Variants in LTBP1 observed in about 807,000 individuals in gnomAD.
LTBP1 encodes the protein latent transforming growth factor beta binding protein 1, also known as latent-transforming growth factor beta-binding protein 1.
Under a neutral mutation model 207.6 loss-of-function variants are expected in LTBP1, and 129 were observed. That is an observed-to-expected ratio of 0.62 (90% CI 0.54 to 0.72). LTBP1 has a LOEUF of 0.72. Among genes scored for constraint, LTBP1 ranks in the 30% least tolerant of loss-of-function variants. The probability of loss-of-function intolerance (pLI) is 0.00; values close to 1 mark genes in which losing one functional copy is unlikely to be tolerated. For missense variants in LTBP1, 2,281 were observed against 2,217.2 expected, an observed-to-expected ratio of 1.03 and a Z score of -0.58; for synonymous variants, 963 against 833.7, an observed-to-expected ratio of 1.16 and a Z score of -2.67.
intron 26 of LTBP1, among the ~76,000 whole-genome samples, chr2:33,348,239 T>C (rs2094730493): frequency 6.6e-6 from 1 of 152,192 alleles, no homozygotes; most frequent in African/African-American, 2.4e-5. Context: ...GTTTTATCCA[T>C]GCTTCCATAA....
chr2:33,325,782 A>C (rs1047638619), intron 24 of LTBP1, among the ~76,000 whole-genome samples: 4 of 151,966 alleles, frequency 2.6e-5, no homozygotes, highest in African/African-American at 4.8e-5. Context: ...GAGCTAAAAC[A>C]CTCCACTTTT....
rs148325186 is a variant in LTBP1 at position 33,361,481 on chromosome 2, A to T, written c.4236A>T (p.Glu1412Asp). Residue 1412 changes from glutamate to aspartate, a missense_variant, in exon 28 of 34, where the codon GAA (glutamate) becomes GAT (aspartate). Transcript: ENST00000404816. ...GGAAAGGTTTTGTGCCTGCTGGAGA[A>T]TCATCTTCTGAAGCTGGTGGTGAGA... is the stretch of plus-strand genomic sequence containing the variant. ...PKGKGFVPAG[E>D]SSSEAGGENY... 6.2e-7 allele frequency: 1 copy of T among 1,613,354 alleles called. No homozygotes were observed. Among genetic ancestry groups the T allele is most frequent in the Non-Finnish European group, 8.5e-7 (1 of 1,179,706 alleles).
intron 3 of LTBP1, among the ~76,000 whole-genome samples, chr2:33,068,703 A>T (rs1179204191): frequency 6.6e-6 from 1 of 152,212 alleles, no homozygotes; most frequent in Admixed American, 6.5e-5. Flanking sequence ...AGTCCCAATT[A>T]AGCAAATTGT....
intron 5 of LTBP1, among the ~76,000 whole-genome samples, chr2:33,149,242 A>C (rs985106777): frequency 9.6e-5 from 14 of 146,370 alleles, no homozygotes; most frequent in African/African-American, 2.7e-4. Flanking sequence ...AAAAAAAAAA[A>C]AAAAAAAAAA....
intron 33 of LTBP1, 53 bp downstream of exon 33, chr2:33,397,335 T>A: frequency 6.3e-7 from 1 of 1,590,916 alleles, no homozygotes; most frequent in Admixed American, 1.7e-5. Context: ...ACACCCCGTA[T>A]CTCAGTCAGT....
At chr2:33,359,052 G>A (rs1271426848) in intron 26 of LTBP1, among the ~76,000 whole-genome samples, 5 of 152,200 alleles carry the variant, frequency 3.3e-5, no homozygotes, top group African/African-American at 9.7e-5. Flanking sequence ...GTAAACTGCT[G>A]CATAGAAATC....
chr2:33,168,747 G>A (rs1572949543), intron 5 of LTBP1, among the ~76,000 whole-genome samples: 1 of 152,198 alleles, frequency 6.6e-6, no homozygotes, highest in Middle Eastern at 3.4e-3. Context: ...GAGGTATCTA[G>A]AAAGATCTGA....
At chr2:32,962,029 C>T (rs549324640) in intron 2 of LTBP1, among the ~76,000 whole-genome samples, 88 of 150,898 alleles carry the variant, frequency 5.8e-4, no homozygotes, top group African/African-American at 2.1e-3. Flanking sequence ...TTTTTATGAC[C>T]AGTTTGTACA....
At chr2:33,089,139 G>GAAAAAAAAAA (rs2078928392) in intron 3 of LTBP1, among the ~76,000 whole-genome samples, 1 of 120,708 alleles carries the variant, frequency 8.3e-6, no homozygotes. Flanking sequence ...CTGGGTGATA[G>GAAAAAAAAAA]AGTAAGACTC....
rs79815221 is a variant in LTBP1, at chr2:33,020,184, A to C, written c.566-725A>C. Reference sequence around the variant, plus strand: ...CAAACTAGCAGGTGTGTTTTGGGCGACTCTCAACCTTTCTGCCCTTGGTTT... The same window carrying C: ...CAAACTAGCAGGTGTGTTTTGGGCGCCTCTCAACCTTTCTGCCCTTGGTTT... On this transcript the variant is annotated intron_variant, in intron 2 of 33. Transcript: ENST00000404816. Among the ~76,000 whole-genome samples, 73 of 151,876 alleles carry C rather than the reference A, an allele frequency of 4.8e-4. No homozygotes were observed. In the East Asian group the frequency reaches 0.013, roughly 27 times the overall value.
intron 30 of LTBP1, among the ~76,000 whole-genome samples, chr2:33,364,890 T>C (rs1400110972): frequency 1.3e-5 from 2 of 152,206 alleles, no homozygotes; most frequent in African/African-American, 4.8e-5. Context: ...AGGTAGGAAT[T>C]AAAGACTCTA....
intron 3 of LTBP1, among the ~76,000 whole-genome samples, chr2:33,060,751 T>C (rs2077230289): frequency 6.6e-6 from 1 of 152,050 alleles, no homozygotes; most frequent in Admixed American, 6.6e-5. Context: ...ATTATTTTCT[T>C]ATTCAAAGAA....
At chr2:33,235,311 A>C (rs1342913487) in intron 9 of LTBP1, among the ~76,000 whole-genome samples, 1 of 152,228 alleles carries the variant, frequency 6.6e-6, no homozygotes, top group Non-Finnish European at 1.5e-5. Context: ...GCTCATCATC[A>C]CTGGTCATTA....
At chr2:33,285,618 T>G (rs2093652177) in intron 19 of LTBP1, among the ~76,000 whole-genome samples, 1 of 151,844 alleles carries the variant, frequency 6.6e-6, no homozygotes, top group Non-Finnish European at 1.5e-5. Flanking sequence ...CCGGCTAATT[T>G]TTGTATTTTT....
intron 3 of LTBP1, among the ~76,000 whole-genome samples, chr2:33,093,260 C>T (rs902383715): frequency 5.9e-5 from 9 of 152,178 alleles, no homozygotes; most frequent in African/African-American, 1.7e-4. Flanking sequence ...ATTTGATTTA[C>T]AGCGGTTAAG....
At chr2:32,956,085 A>T (rs1489655349) in intron 2 of LTBP1, among the ~76,000 whole-genome samples, 1 of 152,196 alleles carries the variant, frequency 6.6e-6, no homozygotes, top group Non-Finnish European at 1.5e-5. Flanking sequence ...TTTGTTACTA[A>T]AAAATGGAAT....
intron 2 of LTBP1, among the ~76,000 whole-genome samples, chr2:32,961,150 G>C (rs1436272850): frequency 6.6e-6 from 1 of 152,158 alleles, no homozygotes; most frequent in Non-Finnish European, 1.5e-5. Context: ...AAAACTGCAC[G>C]TGGAACAGTG....
At chr2:33,220,970 A>G (rs1399678104) in intron 8 of LTBP1, among the ~76,000 whole-genome samples, 1 of 152,242 alleles carries the variant, frequency 6.6e-6, no homozygotes. Flanking sequence ...GATAAAGAGC[A>G]TATGGGGAGG....
rs983289039 is a variant in LTBP1, at chr2:33,300,375, A to C, written c.3236-76A>C. 39 of 1,463,916 alleles carry C rather than the reference A, an allele frequency of 2.7e-5. No individual in the cohort carries two copies. The African/African-American group carries it at 4.2e-4, about 16-fold the overall frequency. 90.7% of individuals were successfully genotyped at this position (1,463,916 alleles called of 1,614,324 possible). A position where few individuals can be genotyped will look rare whatever the true frequency, so the allele number is the denominator to read the frequency against. On this transcript the variant is annotated intron_variant, in intron 20 of 33. Coordinates refer to ENST00000404816, the MANE Select transcript of LTBP1 (RefSeq NM_206943.4). ...CTATTATTTTTGTTACACTAATCCC[A>C]GAATGCATTGCAGGGAGCACTGCAT...
Sources: allele counts gnomAD v4.1 joint callset (sites outside exome capture counted in the v4.1 genomes callset), GRCh38; gene constraint gnomAD v4.1.1; transcripts MANE v1.5; gene names NCBI Gene and HGNC (gene_info 2026-07-23, HGNC 2026-07-21).